SHISA6: variants seen among roughly 807,000 people sequenced by gnomAD.
The protein encoded by SHISA6 is protein shisa-6.
A neutral mutation model predicts 47.9 loss-of-function variants in SHISA6; 22 were observed. The observed-to-expected ratio is 0.46, with a 90% CI of 0.33 to 0.66. The LOEUF is 0.66. Among genes scored for constraint, SHISA6 ranks in the 30% least tolerant of loss-of-function variants. The probability of loss-of-function intolerance (pLI) is 0.02; values close to 1 mark genes in which losing one functional copy is unlikely to be tolerated. For synonymous variants in SHISA6, 388 were observed against 337.8 expected (o/e 1.15, Z -1.63); for missense variants, 680 against 764.6 (o/e 0.89, Z 1.30).
At chr17:11,295,276 T>C (rs1462933956) in intron 2 of SHISA6, among the ~76,000 whole-genome samples, 2 of 152,218 alleles carry the variant, frequency 1.3e-5, no homozygotes, top group Non-Finnish European at 2.9e-5. Context: ...ATAGTCACAA[T>C]TGTACCATCC....
chr17:11,271,727 T>C (rs1369224588), intron 2 of SHISA6, among the ~76,000 whole-genome samples: 1 of 151,620 alleles, frequency 6.6e-6, no homozygotes, highest in Non-Finnish European at 1.5e-5. Flanking sequence ...CCCAAAGTGC[T>C]GGGATTACAG....
At chr17:11,477,307 T>C (rs1393003477) in intron 3 of SHISA6, among the ~76,000 whole-genome samples, 1 of 110,174 alleles carries the variant, frequency 9.1e-6, no homozygotes, top group African/African-American at 4.3e-5. Context: ...TTTATTACAG[T>C]TTTCTGTGTT....
At chr17:11,530,657 T>G (rs948194990) in intron 3 of SHISA6, among the ~76,000 whole-genome samples, 2 of 152,192 alleles carry the variant, frequency 1.3e-5, no homozygotes, top group Non-Finnish European at 2.9e-5. Flanking sequence ...TGAAGGAATG[T>G]CTCAGAACAC....
chr17:11,513,450 T>C (rs2071558313), intron 3 of SHISA6, among the ~76,000 whole-genome samples: 1 of 152,214 alleles, frequency 6.6e-6, no homozygotes, highest in Non-Finnish European at 1.5e-5. Context: ...ATTTCTTCTA[T>C]GAATTTCTGT....
intron 2 of SHISA6, among the ~76,000 whole-genome samples, chr17:11,325,637 G>C (rs1546559): frequency 0.53 from 79,774 of 151,232 alleles, 21,294 homozygotes; most frequent in African/African-American, 0.59. Context: ...TCTTCCCCAT[G>C]TACTTTCACG....
intron 2 of SHISA6, among the ~76,000 whole-genome samples, chr17:11,330,950 A>AT (rs1282904417): frequency 9.2e-5 from 14 of 152,350 alleles, no homozygotes; most frequent in African/African-American, 3.4e-4. Flanking sequence ...TCTTGGATAT[A>AT]TACAGTCTTG....
intron 3 of SHISA6, among the ~76,000 whole-genome samples, chr17:11,505,686 CTA>C (rs2071492984): frequency 6.6e-6 from 1 of 152,160 alleles, no homozygotes; most frequent in Non-Finnish European, 1.5e-5. Flanking sequence ...TCATTCATGG[CTA>C]TCTCACTTTT....
intron 3 of SHISA6, among the ~76,000 whole-genome samples, chr17:11,513,785 C>G (rs538559826): frequency 2.4e-4 from 37 of 152,176 alleles, no homozygotes; most frequent in Non-Finnish European, 4.7e-4. Flanking sequence ...TGCCCTGGAG[C>G]TGATCCTGAG....
At chr17:11,538,468 G>A (rs1255868995) in intron 3 of SHISA6, among the ~76,000 whole-genome samples, 1 of 152,168 alleles carries the variant, frequency 6.6e-6, no homozygotes, top group Non-Finnish European at 1.5e-5. Context: ...AGGAATAGGG[G>A]TTTTGGGGAC....
intron 3 of SHISA6, among the ~76,000 whole-genome samples, chr17:11,482,184 C>T (rs2142331361): frequency 6.6e-6 from 1 of 152,036 alleles, no homozygotes; most frequent in East Asian, 1.9e-4. Flanking sequence ...AATAAGCTCC[C>T]CAGGCACAAT....
At chr17:11,379,702 G>T in intron 3 of SHISA6, 193 bp downstream of exon 3, 3 of 454,120 alleles carry the variant, frequency 6.6e-6, no homozygotes. Flanking sequence ...ACTTTAGAGG[G>T]CGATAGACTT....
chr17:11,508,973 G>GTCCATA (rs2071521896), intron 3 of SHISA6, among the ~76,000 whole-genome samples: 1 of 146,984 alleles, frequency 6.8e-6, no homozygotes, highest in African/African-American at 2.5e-5. Flanking sequence ...CCCTCCTGAG[G>GTCCATA]AAGAAAAACC....
intron 3 of SHISA6, among the ~76,000 whole-genome samples, chr17:11,533,629 G>C (rs1203364194): frequency 9.1e-6 from 1 of 109,996 alleles, no homozygotes; most frequent in African/African-American, 3.5e-5. Flanking sequence ...GTCTCGCTCT[G>C]TCTCCCAGCC....
At chr17:11,388,793 T>TATAC (rs1913279601) in intron 3 of SHISA6, among the ~76,000 whole-genome samples, 1 of 9,186 alleles carries the variant, frequency 1.1e-4, no homozygotes, top group Non-Finnish European at 2.1e-4. Flanking sequence ...CAAAAGTTTA[T>TATAC]ATATATATAT....
At chr17:11,352,662 G>T (rs1391616634) in intron 2 of SHISA6, among the ~76,000 whole-genome samples, 1 of 152,156 alleles carries the variant, frequency 6.6e-6, no homozygotes, top group Non-Finnish European at 1.5e-5. Context: ...AGCGATGAAG[G>T]CAAAAGAAAA....
At chr17:11,260,376 A>C (rs1908182917) in intron 1 of SHISA6, among the ~76,000 whole-genome samples, 1 of 152,092 alleles carries the variant, frequency 6.6e-6, no homozygotes, top group South Asian at 2.1e-4. Flanking sequence ...GTGACTCTTC[A>C]CTTCAGATTC....
intron 2 of SHISA6, among the ~76,000 whole-genome samples, chr17:11,303,565 C>G (rs1016576676): frequency 2.0e-5 from 3 of 151,988 alleles, no homozygotes; most frequent in African/African-American, 7.3e-5. Context: ...TTCTCTGATG[C>G]TGCCATGAGG....
intron 3 of SHISA6, among the ~76,000 whole-genome samples, chr17:11,523,710 T>G (rs2071650831): frequency 6.6e-6 from 1 of 152,154 alleles, no homozygotes; most frequent in Non-Finnish European, 1.5e-5. Flanking sequence ...TCTTGAACTC[T>G]TTAAAAATAA....
rs1472012744 is a variant in SHISA6, at chr17:11,560,376, C to A, written c.*2072C>A. ...GCTTTCCTCCCAACAGACACATAAA[C>A]CTTCTTAAGGGCTGGTCCCCAGGGG... On this transcript the variant is annotated 3_prime_UTR_variant, in exon 6 of 6. Coordinates refer to ENST00000441885, the MANE Select transcript of SHISA6 (RefSeq NM_207386.4). 1 of 152,344 alleles carries A rather than the reference C, an allele frequency of 6.6e-6. No individual in the cohort carries two copies. Among genetic ancestry groups the A allele is most frequent in the Non-Finnish European group, 1.5e-5 (1 of 68,174 alleles). The allele number at this position is 152,344 out of a possible 1,614,324, so 9.4% of individuals were successfully genotyped here. A position where few individuals can be genotyped will look rare whatever the true frequency, so the allele number is the denominator to read the frequency against.
Sources: allele counts gnomAD v4.1 joint callset (sites outside exome capture counted in the v4.1 genomes callset), GRCh38; gene constraint gnomAD v4.1.1; transcripts MANE v1.5; gene names NCBI Gene and HGNC (gene_info 2026-07-23, HGNC 2026-07-21).